Variants in CFAP299 observed in about 807,000 individuals in gnomAD.
The protein encoded by CFAP299 is cilia- and flagella-associated protein 299.
A neutral mutation model predicts 27.0 loss-of-function variants in CFAP299; 21 were observed. The observed-to-expected ratio is 0.78, with a 90% confidence interval of 0.55 to 1.12. The LOEUF is 1.12. Among genes scored for constraint, CFAP299 ranks in the 50% most tolerant of loss-of-function variants. CFAP299 has a pLI of 0.00. For synonymous variants in CFAP299, 104 were observed against 98.1 expected (o/e 1.06, Z -0.36); for missense variants, 310 against 276.6 (o/e 1.12, Z -0.86).
At chr4:80,329,208 C>CACACATATATATATATATATATATATAT in the CFAP299 span, among the ~76,000 whole-genome samples, 245 of 135,952 alleles carry the variant, frequency 1.8e-3, 2 homozygotes, top group South Asian at 3.7e-3. Flanking sequence ...ACACTGTATA[C>CACACATATATATATATATATATATATAT]ATATATATAT....
At chr4:80,733,698 A>T (rs968122573) in intron 3 of CFAP299, among the ~76,000 whole-genome samples, 6 of 152,024 alleles carry the variant, frequency 3.9e-5, no homozygotes, top group Non-Finnish European at 7.4e-5. Flanking sequence ...GATCCCACAA[A>T]TATGTGACAC....
chr4:80,677,349 T>C (rs1330164916), intron 3 of CFAP299, among the ~76,000 whole-genome samples: 4 of 151,982 alleles, frequency 2.6e-5, no homozygotes, highest in African/African-American at 9.7e-5. Context: ...CATTATTTTC[T>C]GTTGTTTCTC....
At chr4:80,359,737 T>C (rs781635218) in intron 1 of CFAP299, among the ~76,000 whole-genome samples, 10 of 152,220 alleles carry the variant, frequency 6.6e-5, no homozygotes, top group Non-Finnish European at 1.0e-4. Flanking sequence ...TTATCATGAT[T>C]TTTAGCTTCT....
chr4:80,357,887 A>G (rs1037340950), intron 1 of CFAP299, among the ~76,000 whole-genome samples: 1 of 151,162 alleles, frequency 6.6e-6, no homozygotes, highest in Non-Finnish European at 1.5e-5. Context: ...TTGCTTTGGG[A>G]TTTGTTTTCT....
intron 3 of CFAP299, among the ~76,000 whole-genome samples, chr4:80,799,520 A>G (rs1728145545): frequency 1.3e-5 from 1 of 79,246 alleles, no homozygotes; most frequent in African/African-American, 5.1e-5. Flanking sequence ...GTATATTTAT[A>G]TAATATATAA....
intron 3 of CFAP299, among the ~76,000 whole-genome samples, chr4:80,823,061 A>G (rs1254716262): frequency 2.0e-5 from 3 of 152,194 alleles, no homozygotes; most frequent in Non-Finnish European, 4.4e-5. Context: ...GTATGTGAGC[A>G]TGACCTGAAG....
intron 4 of CFAP299, among the ~76,000 whole-genome samples, chr4:80,944,549 T>C (rs944368650): frequency 2.0e-5 from 3 of 152,160 alleles, no homozygotes; most frequent in Non-Finnish European, 4.4e-5. Flanking sequence ...GGGAATGTAA[T>C]AGTACTGTAA....
At chr4:80,637,598 C>G (rs1474192491) in intron 3 of CFAP299, among the ~76,000 whole-genome samples, 1 of 152,110 alleles carries the variant, frequency 6.6e-6, no homozygotes, top group Non-Finnish European at 1.5e-5. Context: ...ATGTAAGGCT[C>G]TCCACCAGCC....
chr4:80,735,286 A>G (rs1032335694), intron 3 of CFAP299, among the ~76,000 whole-genome samples: 1 of 152,076 alleles, frequency 6.6e-6, no homozygotes, highest in African/African-American at 2.4e-5. Flanking sequence ...TTTTATGTTG[A>G]ATTTGTATAC....
chr4:80,691,238 C>A (rs1447464536), intron 3 of CFAP299, among the ~76,000 whole-genome samples: 2 of 128,124 alleles, frequency 1.6e-5, no homozygotes, highest in Non-Finnish European at 3.3e-5. Flanking sequence ...GAGACACAAC[C>A]AAAAAAGAGA....
At chr4:80,426,019 C>T (rs1248999573) in intron 2 of CFAP299, among the ~76,000 whole-genome samples, 1 of 151,978 alleles carries the variant, frequency 6.6e-6, no homozygotes, top group Admixed American at 6.6e-5. Context: ...AGAAAGGGAT[C>T]ATTTAGTCAA....
chr4:80,958,590 A>G (rs1231005014), intron 5 of CFAP299, among the ~76,000 whole-genome samples: 3 of 152,194 alleles, frequency 2.0e-5, no homozygotes, highest in Admixed American at 6.5e-5. Context: ...GGGTGTTCTT[A>G]TTTATCTGAA....
chr4:80,738,986 A>C (rs547498119), intron 3 of CFAP299, among the ~76,000 whole-genome samples: 83 of 152,170 alleles, frequency 5.5e-4, no homozygotes, highest in African/African-American at 1.9e-3. Context: ...AACTGATGGC[A>C]ACTTAACACA....
the CFAP299 span, among the ~76,000 whole-genome samples, chr4:80,327,682 G>A: frequency 3.8e-3 from 72 of 18,732 alleles, 1 homozygote; most frequent in African/African-American, 0.01. Flanking sequence ...TATATATATA[G>A]AGAGAAGTTA....
chr4:80,572,507 G>GATTTTTTT (rs1735632154), intron 2 of CFAP299, among the ~76,000 whole-genome samples: 1 of 36,380 alleles, frequency 2.7e-5, no homozygotes, highest in African/African-American at 9.0e-5. Flanking sequence ...CTGGATCCCA[G>GATTTTTTT]TTTTTTTTTT....
chr4:80,420,307 A>G (rs1560559268), intron 2 of CFAP299: 2 of 437,114 alleles, frequency 4.6e-6, no homozygotes, highest in South Asian at 3.2e-5. Flanking sequence ...TACAGATGCA[A>G]ATCTCTCCCA....
intron 5 of CFAP299, among the ~76,000 whole-genome samples, chr4:80,961,221 C>A (rs1738329552): frequency 6.6e-6 from 1 of 151,232 alleles, no homozygotes; most frequent in Non-Finnish European, 1.5e-5. Context: ...GTTAGTAGAC[C>A]TAAGTAAGTT....
chr4:80,550,760 AACACACAC>A (rs10561056), intron 2 of CFAP299, among the ~76,000 whole-genome samples: 9 of 148,718 alleles, frequency 6.1e-5, no homozygotes, highest in Non-Finnish European at 9.0e-5. Flanking sequence ...ATTAACTCAA[AACACACAC>A]ACACACACAC....
rs573525304 is a variant in CFAP299 at position 80,406,476 on chromosome 4, C to T, written c.242+43592C>T. On this transcript the variant is annotated intron_variant, in intron 2 of 5. Transcript: ENST00000358105. The stretch of plus-strand genomic sequence containing the variant: ...AATCTTCAGCTGTAAGGAATCCTTC[C>T]ACCTCAGCCACCAAAGTAGCTGGGA... Among the ~76,000 whole-genome samples the T allele has an allele frequency of 8.5e-5, 13 of 152,238 alleles. 1 individual carries two copies. In the South Asian group the frequency reaches 2.5e-3, roughly 29 times the overall value.
Sources: allele counts gnomAD v4.1 joint callset (sites outside exome capture counted in the v4.1 genomes callset), GRCh38; gene constraint gnomAD v4.1.1; transcripts MANE v1.5; gene names NCBI Gene and HGNC (gene_info 2026-07-23, HGNC 2026-07-21).